Variants in ITFG1 observed in about 807,000 individuals in gnomAD.
ITFG1 encodes integrin alpha FG-GAP repeat containing 1.
In ITFG1, 34 loss-of-function variants were observed where a neutral mutation model predicts 81.8. The observed-to-expected ratio is 0.42, with a 90% CI of 0.32 to 0.55. ITFG1 has a LOEUF of 0.55. Among genes scored for constraint, ITFG1 ranks in the 20% least tolerant of loss-of-function variants. The probability of loss-of-function intolerance (pLI) is 0.17; values close to 1 mark genes in which losing one functional copy is unlikely to be tolerated. For synonymous variants in ITFG1, 285 were observed against 270.6 expected (o/e 1.05, Z -0.52); for missense variants, 672 against 755.4 (o/e 0.89, Z 1.29).
At chr16:47,258,385 G>C (rs544205348) in intron 12 of ITFG1, among the ~76,000 whole-genome samples, 1 of 152,312 alleles carries the variant, frequency 6.6e-6, no homozygotes, top group South Asian at 2.1e-4. Context: ...GATTGAAGAA[G>C]TCTGAAAAGA....
At chr16:47,459,743 G>C (rs933144261) in intron 1 of ITFG1, among the ~76,000 whole-genome samples, 2 of 152,188 alleles carry the variant, frequency 1.3e-5, no homozygotes, top group Non-Finnish European at 2.9e-5. Flanking sequence ...CAGACTTTTG[G>C]AATTGTTTAA....
intron 5 of ITFG1, among the ~76,000 whole-genome samples, chr16:47,443,898 A>G (rs1969288857): frequency 6.6e-6 from 1 of 152,114 alleles, no homozygotes; most frequent in Admixed American, 6.5e-5. Context: ...AAAGTATAAT[A>G]ATAATAAAAT....
At chr16:47,275,489 T>C (rs759720471) in intron 10 of ITFG1, among the ~76,000 whole-genome samples, 1 of 152,178 alleles carries the variant, frequency 6.6e-6, no homozygotes, top group Non-Finnish European at 1.5e-5. Context: ...AAAAATCACG[T>C]ACATGCTGGA....
intron 10 of ITFG1, among the ~76,000 whole-genome samples, chr16:47,284,520 TAA>T: frequency 6.6e-6 from 1 of 152,332 alleles, no homozygotes; most frequent in Non-Finnish European, 1.5e-5. Flanking sequence ...AGCCATCATC[TAA>T]ACAGTGATAG....
intron 14 of ITFG1, among the ~76,000 whole-genome samples, chr16:47,207,361 G>C (rs1037110610): frequency 2.0e-5 from 3 of 152,200 alleles, no homozygotes; most frequent in African/African-American, 4.8e-5. Context: ...TGGGATTACA[G>C]GCGTGAGCCA....
chr16:47,196,894 T>A (rs1376305408), intron 14 of ITFG1, among the ~76,000 whole-genome samples: 1 of 152,048 alleles, frequency 6.6e-6, no homozygotes, highest in Non-Finnish European at 1.5e-5. Flanking sequence ...TGTGCCACTG[T>A]ACTCCAGCCT....
intron 6 of ITFG1, among the ~76,000 whole-genome samples, chr16:47,382,428 ACTTT>A (rs1480589430): frequency 6.6e-5 from 10 of 152,156 alleles, no homozygotes; most frequent in African/African-American, 2.2e-4. Flanking sequence ...TTCTATCTAG[ACTTT>A]CTTTCTATTT....
chr16:47,368,734 G>A (rs1448825958), intron 7 of ITFG1, among the ~76,000 whole-genome samples: 1 of 151,934 alleles, frequency 6.6e-6, no homozygotes, highest in African/African-American at 2.4e-5. Context: ...CCCACTGAAG[G>A]TCTATGAATT....
rs921122762 is a variant in ITFG1, at chr16:47,325,571, T to C, written c.803-11748A>G. Among the ~76,000 whole-genome samples the C allele has an allele frequency of 4.0e-4, 61 of 152,038 alleles. No individual in the cohort carries two copies. In the East Asian group the frequency reaches 5.2e-3, roughly 13 times the overall value. On this transcript the variant is annotated intron_variant, in intron 8 of 17. Coordinates refer to ENST00000320640, the MANE Select transcript of ITFG1 (RefSeq NM_030790.5). The stretch of plus-strand genomic sequence containing the variant: ...GAAAAGATCAACAAAATTGATAGAC[T>C]GCTAGCAAGACTAATAAAGAAGAAA...
chr16:47,393,042 C>A (rs1018770211), intron 6 of ITFG1, among the ~76,000 whole-genome samples: 10 of 152,048 alleles, frequency 6.6e-5, no homozygotes, highest in African/African-American at 2.4e-4. Context: ...ATTTGTTGGA[C>A]CAGAATTCTA....
At chr16:47,184,058 C>A (rs568599517) in intron 14 of ITFG1, among the ~76,000 whole-genome samples, 5 of 151,708 alleles carry the variant, frequency 3.3e-5, no homozygotes, top group Admixed American at 2.0e-4. Flanking sequence ...TGAAATGAAG[C>A]GAGAAGGGAA....
intron 12 of ITFG1, among the ~76,000 whole-genome samples, chr16:47,239,450 C>G (rs932309067): frequency 2.6e-5 from 4 of 152,120 alleles, no homozygotes; most frequent in Non-Finnish European, 5.9e-5. Context: ...CCGCCTGCCT[C>G]GGCCTCCCAA....
At chr16:47,439,667 A>C (rs1437533181) in intron 5 of ITFG1, among the ~76,000 whole-genome samples, 1 of 152,214 alleles carries the variant, frequency 6.6e-6, no homozygotes, top group Non-Finnish European at 1.5e-5. Flanking sequence ...GCCTGCCCTA[A>C]AAGAGCTCCT....
intron 5 of ITFG1, among the ~76,000 whole-genome samples, chr16:47,438,023 C>A (rs758000285): frequency 1.3e-5 from 2 of 152,246 alleles, no homozygotes; most frequent in Admixed American, 6.5e-5. Flanking sequence ...AAACCGCACA[C>A]CAGGAGATTA....
intron 6 of ITFG1, among the ~76,000 whole-genome samples, chr16:47,420,278 GTAA>G (rs1968928371): frequency 6.6e-6 from 1 of 152,118 alleles, no homozygotes. Context: ...TCCTGGAAAA[GTAA>G]TAATATTCTG....
At chr16:47,311,550 G>T (rs917420862) in intron 9 of ITFG1, 138 bp from the exon 10 acceptor site, 7 of 542,300 alleles carry the variant, frequency 1.3e-5, no homozygotes, top group Admixed American at 3.7e-5. Flanking sequence ...TATGGTAGGG[G>T]ATCATAATTT....
At chr16:47,316,954 T>C (rs556853266) in intron 8 of ITFG1, among the ~76,000 whole-genome samples, 262 of 152,350 alleles carry the variant, frequency 1.7e-3, no homozygotes, top group Middle Eastern at 0.017. Flanking sequence ...TAACTTTGGA[T>C]TGTCTTTTCT....
At chr16:47,454,811 C>A (rs905533325) in intron 2 of ITFG1, among the ~76,000 whole-genome samples, 2 of 151,942 alleles carry the variant, frequency 1.3e-5, no homozygotes, top group African/African-American at 4.8e-5. Context: ...ATCTTGAAAG[C>A]TTAACGTCCT....
At chr16:47,317,530 C>A (rs1967379384) in intron 8 of ITFG1, 1 of 152,088 alleles carries the variant, frequency 6.6e-6, no homozygotes, top group Admixed American at 6.6e-5. Context: ...CTTTGTTAAC[C>A]ACAATTTCTC....
Sources: allele counts gnomAD v4.1 joint callset (sites outside exome capture counted in the v4.1 genomes callset), GRCh38; gene constraint gnomAD v4.1.1; transcripts MANE v1.5; gene names NCBI Gene and HGNC (gene_info 2026-07-23, HGNC 2026-07-21).